SLC30A9: variants seen among roughly 807,000 people sequenced by gnomAD.
SLC30A9 encodes the protein solute carrier family 30 member 9.
SLC30A9 carries 58 observed loss-of-function variants against 87.5 expected under a neutral mutation model. The observed-to-expected ratio is 0.66, with a 90% CI of 0.54 to 0.82. The LOEUF is 0.82. SLC30A9 is among the 40% of genes least tolerant of loss of function. The pLI is 0.00. For missense variants in SLC30A9, 557 were observed against 679.1 expected (o/e 0.82, Z 2.00); for synonymous variants, 234 against 233.0 (o/e 1.00, Z -0.04).
intron 6 of SLC30A9, among the ~76,000 whole-genome samples, chr4:42,030,283 A>G (rs1490478931): frequency 6.6e-6 from 1 of 152,204 alleles, no homozygotes; most frequent in East Asian, 1.9e-4. Context: ...TTAGAATGTA[A>G]TTAATGTAAA....
intron 11 of SLC30A9, among the ~76,000 whole-genome samples, chr4:42,064,218 G>T (rs1161536344): frequency 6.6e-6 from 1 of 152,186 alleles, no homozygotes; most frequent in Non-Finnish European, 1.5e-5. Flanking sequence ...TTCTTATGTG[G>T]TCTAGAGGAT....
In SLC30A9 at chr4:42,014,266, C is replaced by G. The variant is rs568315772; in HGVS notation, c.275-3845C>G. ...GTGAACATGTGGAGAAAAGGGAACC[C>G]TTGTACATTGTTGGTGGGAATGTAA... On this transcript the variant is annotated intron_variant, in intron 2 of 17. Transcript: ENST00000264451. 5.3e-5 allele frequency among the ~76,000 whole-genome samples: 8 copies of G among 152,250 alleles called. No individual in the cohort carries two copies. The South Asian group carries it at 1.7e-3, about 32-fold the overall frequency.
intron 6 of SLC30A9, 60 bp downstream of exon 6, chr4:42,023,444 A>G (rs1390715824): frequency 1.1e-5 from 12 of 1,099,138 alleles, no homozygotes; most frequent in South Asian, 2.6e-5. Context: ...TGAGAACTGT[A>G]TCTGTAAGAA....
At chr4:41,999,829 A>G (rs1054788210) in intron 1 of SLC30A9, among the ~76,000 whole-genome samples, 3 of 152,136 alleles carry the variant, frequency 2.0e-5, no homozygotes, top group African/African-American at 7.2e-5. Flanking sequence ...GAAATTGAGA[A>G]TATTTGATAT....
chr4:42,032,655 A>AGGAAGAG (rs934762270), intron 6 of SLC30A9, among the ~76,000 whole-genome samples: 10 of 152,296 alleles, frequency 6.6e-5, no homozygotes, highest in African/African-American at 2.2e-4. Flanking sequence ...AGGAAGATCA[A>AGGAAGAG]GGAAGAGGGA....
chr4:42,026,564 G>A (rs920229097), intron 6 of SLC30A9, among the ~76,000 whole-genome samples: 2 of 152,114 alleles, frequency 1.3e-5, no homozygotes, highest in Non-Finnish European at 2.9e-5. Context: ...TCCCTTTCTG[G>A]TTTGATAGAA....
chr4:42,016,854 G>A (rs1371400065), intron 2 of SLC30A9, among the ~76,000 whole-genome samples: 1 of 151,866 alleles, frequency 6.6e-6, no homozygotes, highest in African/African-American at 2.4e-5. Context: ...TGGGCATTTG[G>A]GTTGTTGCCA....
rs1714989034 is a variant in SLC30A9 at position 42,001,650 on chromosome 4, A to T, written c.144A>T (p.Ser48=). The T allele has an allele frequency of 1.2e-6, 2 of 1,600,046 alleles. No individual in the cohort carries two copies. The highest frequency in any genetic ancestry group is 4.5e-5 in the East Asian group (2 of 44,644). ...ATTTAGTGACATTTGGAAGCTTTTC[A>T]AACATGGTTCCCTGTAGTCATCCAT... ...WQNLVTFGSF[S]NMVPCSHPYI... Residue 48 remains serine (S), a synonymous_variant, in exon 2 of 18, where the codon TCA becomes TCT. Coordinates refer to ENST00000264451, the MANE Select transcript of SLC30A9 (RefSeq NM_006345.4).
chr4:41,992,621 T>C (rs186015031), intron 1 of SLC30A9, among the ~76,000 whole-genome samples: 200 of 152,348 alleles, frequency 1.3e-3, no homozygotes, highest in Admixed American at 0.011. Flanking sequence ...CAGATAATTA[T>C]TACCTACCTT....
intron 1 of SLC30A9, among the ~76,000 whole-genome samples, chr4:41,993,017 G>T (rs925662780): frequency 1.3e-5 from 2 of 151,684 alleles, no homozygotes; most frequent in Non-Finnish European, 2.9e-5. Context: ...TTAAAAATGA[G>T]GAATGCCTTT....
At chr4:42,074,142 A>G (rs1244123812) in intron 15 of SLC30A9, among the ~76,000 whole-genome samples, 1 of 152,202 alleles carries the variant, frequency 6.6e-6, no homozygotes, top group Non-Finnish European at 1.5e-5. Flanking sequence ...CCAATCTGAA[A>G]AAGTTTTGTT....
chr4:42,054,229 A>G (rs1717508326), intron 9 of SLC30A9, among the ~76,000 whole-genome samples: 2 of 152,016 alleles, frequency 1.3e-5, no homozygotes, highest in Admixed American at 1.3e-4. Context: ...GTGGTGGTAC[A>G]TGCCTGTAAT....
intron 4 of SLC30A9, among the ~76,000 whole-genome samples, chr4:42,021,355 A>G (rs1715941616): frequency 6.6e-6 from 1 of 152,194 alleles, no homozygotes; most frequent in African/African-American, 2.4e-5. Flanking sequence ...ATCTTTTGAA[A>G]GCTGATCCAT....
At chr4:42,018,889 T>C (rs1715823560) in intron 3 of SLC30A9, among the ~76,000 whole-genome samples, 1 of 152,122 alleles carries the variant, frequency 6.6e-6, no homozygotes, top group African/African-American at 2.4e-5. Flanking sequence ...CCTTCATCAT[T>C]AATAACCTGG....
At chr4:42,040,476 A>C (rs1438285397) in intron 8 of SLC30A9, among the ~76,000 whole-genome samples, 1 of 152,176 alleles carries the variant, frequency 6.6e-6, no homozygotes, top group African/African-American at 2.4e-5. Context: ...CACCTGAGGA[A>C]TGTATGTATA....
chr4:42,064,811 A>G (rs988175194), intron 11 of SLC30A9, among the ~76,000 whole-genome samples: 1 of 152,198 alleles, frequency 6.6e-6, no homozygotes, highest in African/African-American at 2.4e-5. Context: ...CTATTTTAGG[A>G]AAGCCTAGGG....
intron 8 of SLC30A9, among the ~76,000 whole-genome samples, chr4:42,041,099 A>G (rs915023782): frequency 3.3e-5 from 5 of 152,132 alleles, no homozygotes; most frequent in African/African-American, 1.2e-4. Flanking sequence ...TTTAAAAACC[A>G]TCACATCTCA....
At position 42,015,319 on chromosome 4, in the gene SLC30A9, G is replaced by A. The variant is rs747154045; in HGVS notation, c.275-2792G>A. Among the ~76,000 whole-genome samples, 38 of 152,116 alleles carry A rather than the reference G, an allele frequency of 2.5e-4. 1 individual carries two copies. Among genetic ancestry groups the A allele is most frequent in the Non-Finnish European group, 5.1e-4 (35 of 68,012 alleles). ...AATTCCAAATAGCAATTGGGGGATTGGATGGGAGGCGAATATAGAAAACTT... is the reference window on the plus strand; with the variant it reads ...AATTCCAAATAGCAATTGGGGGATTAGATGGGAGGCGAATATAGAAAACTT... On this transcript the variant is annotated intron_variant, in intron 2 of 17. Coordinates refer to ENST00000264451, the MANE Select transcript of SLC30A9 (RefSeq NM_006345.4).
At chr4:42,063,233 C>A in intron 11 of SLC30A9, 112 bp downstream of exon 11, 3 of 912,672 alleles carry the variant, frequency 3.3e-6, no homozygotes, top group Non-Finnish European at 5.0e-6. Flanking sequence ...ACCTTCTTGA[C>A]TGTGTATTGT....
Sources: allele counts gnomAD v4.1 joint callset (sites outside exome capture counted in the v4.1 genomes callset), GRCh38; gene constraint gnomAD v4.1.1; transcripts MANE v1.5; gene names NCBI Gene and HGNC (gene_info 2026-07-23, HGNC 2026-07-21).